GPM6B: variants seen among roughly 807,000 people sequenced by gnomAD.
GPM6B encodes the protein neuronal membrane glycoprotein M6-b.
A neutral mutation model predicts 27.2 loss-of-function variants in GPM6B; 4 were observed. The observed-to-expected ratio is 0.15, with a 90% confidence interval of 0.07 to 0.34. The LOEUF is 0.34. GPM6B is among the 10% of genes least tolerant of loss of function. The probability of loss-of-function intolerance (pLI) is 1.00; values close to 1 mark genes in which losing one functional copy is unlikely to be tolerated. For missense variants in GPM6B, 183 were observed against 261.9 expected, an observed-to-expected ratio of 0.70 and a Z score of 2.08; for synonymous variants, 124 against 103.1, an observed-to-expected ratio of 1.20 and a Z score of -1.23.
At chrX:13,815,019 C>G (rs981796718) in intron 1 of GPM6B, among the ~76,000 whole-genome samples, 1 of 111,684 alleles carries the variant, frequency 9.0e-6, no homozygotes, top group Non-Finnish European at 1.9e-5. Flanking sequence ...TTTTCATATA[C>G]GGGTTGTCAG....
chrX:13,930,552 T>C (rs1335318018), intron 1 of GPM6B, among the ~76,000 whole-genome samples: 1 of 110,143 alleles, frequency 9.1e-6, no homozygotes, highest in African/African-American at 3.3e-5. Flanking sequence ...AGGTGAAGCT[T>C]GCAGTAAGCC....
chrX:13,784,188 T>C (rs143721751), intron 3 of GPM6B, among the ~76,000 whole-genome samples: 200 of 113,013 alleles, frequency 1.8e-3, no homozygotes, highest in African/African-American at 6.0e-3. Context: ...CCTGGGGAGC[T>C]TGGAAAATAC....
At chrX:13,832,488 A>G (rs2049450218) in intron 1 of GPM6B, among the ~76,000 whole-genome samples, 1 of 111,750 alleles carries the variant, frequency 8.9e-6, no homozygotes, top group African/African-American at 3.3e-5. Flanking sequence ...CCCTCAGACT[A>G]AAGTCTACAG....
upstream of GPM6B, among the ~76,000 whole-genome samples, chrX:13,821,597 T>C (rs1404245656): frequency 8.9e-6 from 1 of 112,032 alleles, no homozygotes; most frequent in Non-Finnish European, 1.9e-5. Context: ...ATCACTTTTT[T>C]TTTCTTTTTC....
At chrX:13,924,333 T>C (rs1307251591) in intron 1 of GPM6B, among the ~76,000 whole-genome samples, 2 of 111,747 alleles carry the variant, frequency 1.8e-5, no homozygotes, top group Non-Finnish European at 3.8e-5. Context: ...AAGGTCTCAC[T>C]CTGTCGCCCA....
intron 1 of GPM6B, among the ~76,000 whole-genome samples, chrX:13,875,394 T>C (rs1408325820): frequency 9.0e-6 from 1 of 111,675 alleles, no homozygotes; most frequent in Non-Finnish European, 1.9e-5. Context: ...AGGCGAGTCC[T>C]AACATAGGTT....
chrX:13,935,580 G>C (rs1440346221), intron 1 of GPM6B, among the ~76,000 whole-genome samples: 1 of 111,879 alleles, frequency 8.9e-6, no homozygotes, highest in Non-Finnish European at 1.9e-5. Flanking sequence ...TTTCTCTCTG[G>C]ATACATAAGC....
At chrX:13,927,076 C>G (rs1249062563) in intron 1 of GPM6B, among the ~76,000 whole-genome samples, 1 of 109,835 alleles carries the variant, frequency 9.1e-6, no homozygotes, top group East Asian at 2.8e-4. Context: ...CAAATCAAGA[C>G]AAATACAAAT....
At chrX:13,923,726 C>T (rs1318206548) in intron 1 of GPM6B, among the ~76,000 whole-genome samples, 5 of 112,326 alleles carry the variant, frequency 4.5e-5, no homozygotes, top group African/African-American at 1.3e-4. Context: ...TTAGCTGTAT[C>T]GCTCTAAGAT....
chrX:13,821,784 G>A (rs150570098), upstream of GPM6B, among the ~76,000 whole-genome samples: 2,253 of 110,159 alleles, frequency 0.02, 38 homozygotes, highest in African/African-American at 0.057. Flanking sequence ...TAGTAGAGAC[G>A]GCGTTTCTCC....
chrX:13,823,547 T>A, intron 1 of GPM6B, among the ~76,000 whole-genome samples: 1 of 102,754 alleles, frequency 9.7e-6, no homozygotes. Flanking sequence ...TTTGACAGAG[T>A]CCTGATCTGT....
At chrX:13,834,588 C>T (rs1012230908) in intron 1 of GPM6B, among the ~76,000 whole-genome samples, 3 of 112,116 alleles carry the variant, frequency 2.7e-5, no homozygotes, top group African/African-American at 6.5e-5. Flanking sequence ...GATTGATAGG[C>T]GAGGCCAGAG....
At chrX:13,828,491 AT>A (rs1021296376) in intron 1 of GPM6B, among the ~76,000 whole-genome samples, 13 of 110,466 alleles carry the variant, frequency 1.2e-4, no homozygotes, top group Admixed American at 1.2e-3. Flanking sequence ...GTAAGAAATA[AT>A]TTTTTTTTCT....
chrX:13,796,794 T>G lies in GPM6B; in HGVS notation c.181+10856A>C, dbSNP rs765620759. Among the ~76,000 whole-genome samples the G allele has an allele frequency of 4.4e-5, 5 of 112,685 alleles. No individual in the cohort carries two copies. The East Asian group carries it at 8.3e-4, about 19-fold the overall frequency. On this transcript the variant is annotated intron_variant, in intron 2 of 7. Coordinates refer to ENST00000316715, the MANE Select transcript of GPM6B (RefSeq NM_001001995.3). ...TGAGCCTCTAACATTTGCAATATGG[T>G]ACTAGCAGAAGATAAGCAAGTCAAT... is the stretch of plus-strand genomic sequence containing the variant.
chrX:13,929,504 G>C (rs1414774657), intron 1 of GPM6B, among the ~76,000 whole-genome samples: 2 of 110,506 alleles, frequency 1.8e-5, no homozygotes, highest in African/African-American at 6.6e-5. Context: ...TTTTAGACAA[G>C]AAATCCTCCC....
At chrX:13,836,773 C>T (rs1285172678) in intron 1 of GPM6B, among the ~76,000 whole-genome samples, 1 of 112,410 alleles carries the variant, frequency 8.9e-6, no homozygotes, top group Non-Finnish European at 1.9e-5. Flanking sequence ...ATACAAATTG[C>T]CTCCAATGAC....
intron 1 of GPM6B, chrX:13,889,337 T>C (rs2050167490): frequency 8.9e-6 from 1 of 111,815 alleles, no homozygotes. Context: ...TTAACATATG[T>C]ACTAGTAGTA....
At chrX:13,926,010 G>C (rs1429628550) in intron 1 of GPM6B, among the ~76,000 whole-genome samples, 1 of 105,177 alleles carries the variant, frequency 9.5e-6, no homozygotes, top group Non-Finnish European at 1.9e-5. Context: ...ACCCGAGATC[G>C]CACCACTGCA....
intron 2 of GPM6B, among the ~76,000 whole-genome samples, chrX:13,796,968 G>T (rs375735275): frequency 5.3e-5 from 6 of 112,648 alleles, no homozygotes; most frequent in Admixed American, 4.7e-4. Flanking sequence ...GAATCATGGA[G>T]ATCAATGGAG....
Sources: allele counts gnomAD v4.1 joint callset (sites outside exome capture counted in the v4.1 genomes callset), GRCh38; gene constraint gnomAD v4.1.1; transcripts MANE v1.5; gene names NCBI Gene and HGNC (gene_info 2026-07-23, HGNC 2026-07-21).